The following KLF8 variants were observed in gnomAD, a reference collection of about 807,000 sequenced individuals.
KLF8 encodes Krueppel-like factor 8.
A neutral mutation model predicts 18.2 loss-of-function variants in KLF8; 10 were observed. The observed-to-expected ratio is 0.55, with a 90% confidence interval of 0.34 to 0.93. The LOEUF is 0.93. Ranked by LOEUF, KLF8 falls within the 40% of genes least tolerant of loss-of-function variation. The pLI is 0.02. For synonymous variants in KLF8, 109 were observed against 97.3 expected (o/e 1.12, Z -0.71); for missense variants, 264 against 277.9 (o/e 0.95, Z 0.36).
intron 5 of KLF8, among the ~76,000 whole-genome samples, chrX:56,279,760 T>C (rs1270717960): frequency 9.0e-6 from 1 of 111,704 alleles, no homozygotes; most frequent in East Asian, 2.8e-4. Context: ...AAGGTTTCTG[T>C]TTTGGGTGAC....
chrX:56,164,188 A>G, the KLF8 span, among the ~76,000 whole-genome samples: 1 of 104,732 alleles, frequency 9.5e-6, no homozygotes. Context: ...GTTAGATTTC[A>G]CTTACCAAAT....
intron 2 of KLF8, among the ~76,000 whole-genome samples, chrX:56,260,134 T>A (rs759937449): frequency 9.0e-6 from 1 of 111,677 alleles, no homozygotes; most frequent in South Asian, 3.9e-4. Context: ...GCTCTGTGCG[T>A]TATTCCTCTG....
the KLF8 span, among the ~76,000 whole-genome samples, chrX:56,127,282 A>T: frequency 9.0e-6 from 1 of 111,356 alleles, no homozygotes; most frequent in African/African-American, 3.3e-5. Flanking sequence ...ACAAATGAAA[A>T]ATTTGCTGTG....
the KLF8 span, among the ~76,000 whole-genome samples, chrX:55,924,194 C>T: frequency 1.8e-5 from 2 of 111,082 alleles, no homozygotes; most frequent in African/African-American, 6.5e-5. Context: ...CTCAGCCTCC[C>T]GAGTAGCTAA....
At chrX:56,100,996 G>C in the KLF8 span, among the ~76,000 whole-genome samples, 1 of 111,327 alleles carries the variant, frequency 9.0e-6, no homozygotes, top group Non-Finnish European at 1.9e-5. Flanking sequence ...CATTCAGGGG[G>C]TACTTGTGCA....
At chrX:56,262,625 T>C (rs949070615) in intron 2 of KLF8, among the ~76,000 whole-genome samples, 4 of 111,543 alleles carry the variant, frequency 3.6e-5, no homozygotes, top group Admixed American at 9.5e-5. Context: ...CCCACAACTA[T>C]ATTCTTACAG....
At chrX:56,226,471 A>G in the KLF8 span, among the ~76,000 whole-genome samples, 2 of 112,135 alleles carry the variant, frequency 1.8e-5, no homozygotes, top group African/African-American at 3.2e-5. Context: ...ACAGATAAAT[A>G]TATACTATTA....
At chrX:56,110,638 A>G in the KLF8 span, among the ~76,000 whole-genome samples, 3 of 111,400 alleles carry the variant, frequency 2.7e-5, no homozygotes, top group Non-Finnish European at 5.7e-5. Flanking sequence ...TATAGTGTTC[A>G]TGATGATCAT....
chrX:56,091,313 T>C, the KLF8 span, among the ~76,000 whole-genome samples: 1 of 110,651 alleles, frequency 9.0e-6, no homozygotes, highest in African/African-American at 3.3e-5. Flanking sequence ...GACATGCCTT[T>C]GCTTCTCTCT....
the KLF8 span, among the ~76,000 whole-genome samples, chrX:56,037,624 T>C: frequency 2.7e-5 from 3 of 111,876 alleles, no homozygotes; most frequent in Non-Finnish European, 3.8e-5. Flanking sequence ...TTTCTATTTA[T>C]TTTTTCTTGG....
At chrX:56,015,330 C>T in the KLF8 span, among the ~76,000 whole-genome samples, 434 of 111,215 alleles carry the variant, frequency 3.9e-3, no homozygotes, top group African/African-American at 0.013. Flanking sequence ...GCTTTCATTC[C>T]CATCAGCAGT....
chrX:56,022,924 A>G, the KLF8 span, among the ~76,000 whole-genome samples: 2 of 111,532 alleles, frequency 1.8e-5, no homozygotes, highest in African/African-American at 3.3e-5. Context: ...TTATGTATAT[A>G]TATATAAAAT....
intron 2 of KLF8, among the ~76,000 whole-genome samples, chrX:56,264,697 T>C (rs1245099577): frequency 1.8e-5 from 2 of 111,657 alleles, no homozygotes; most frequent in Non-Finnish European, 3.8e-5. Flanking sequence ...AGCTGAAATA[T>C]CACCTCCTCC....
the KLF8 span, chrX:55,962,524 A>G: frequency 1.1e-5 from 2 of 182,138 alleles, no homozygotes; most frequent in Non-Finnish European, 2.1e-5. Context: ...TTCTGTCTTC[A>G]GTCTCTGCTA....
Position 56,233,199 on chromosome X carries a change from G to T in KLF8, c.-136G>T. ...AGTGGGGGCCCAAGAACGAGAAGACGAGAACGCGTCGCCCTGCGCTATGTC... is the reference window on the plus strand; with the variant it reads ...AGTGGGGGCCCAAGAACGAGAAGACTAGAACGCGTCGCCCTGCGCTATGTC... On this transcript the variant is annotated 5_prime_UTR_variant, in exon 1 of 6. Transcript: ENST00000468660. The T allele has an allele frequency of 1.4e-6, 1 of 725,278 alleles. No homozygotes were observed. Among genetic ancestry groups the T allele is most frequent in the South Asian group, 2.4e-5 (1 of 41,988 alleles). 59.8% of individuals were successfully genotyped at this position (725,278 alleles called of 1,213,427 possible). A position where few individuals can be genotyped will look rare whatever the true frequency, so the allele number is the denominator to read the frequency against.
the KLF8 span, among the ~76,000 whole-genome samples, chrX:56,089,073 G>T: frequency 9.0e-6 from 1 of 110,965 alleles, no homozygotes; most frequent in Non-Finnish European, 1.9e-5. Context: ...TTACTTACTA[G>T]TTTTATAAAG....
chrX:56,096,760 C>G, the KLF8 span, among the ~76,000 whole-genome samples: 1 of 110,901 alleles, frequency 9.0e-6, no homozygotes, highest in Non-Finnish European at 1.9e-5. Context: ...GAACTCTAGA[C>G]AGGCTAATCT....
At chrX:56,186,952 C>T in the KLF8 span, among the ~76,000 whole-genome samples, 1 of 111,561 alleles carries the variant, frequency 9.0e-6, no homozygotes, top group South Asian at 3.7e-4. Flanking sequence ...ACCCGAACAT[C>T]ACAATTAAAA....
chrX:56,134,396 A>G, the KLF8 span, among the ~76,000 whole-genome samples: 1 of 111,759 alleles, frequency 8.9e-6, no homozygotes, highest in Admixed American at 9.5e-5. Flanking sequence ...CAACAAAGCA[A>G]ACAAAAACAA....
Sources: gnomAD v4.1 joint callset for allele counts (sites outside exome capture counted in the v4.1 genomes callset) on GRCh38, gnomAD v4.1.1 for gene constraint, MANE v1.5 for transcripts, NCBI Gene and HGNC (gene_info 2026-07-23, HGNC 2026-07-21) for gene names.